TENM1: variants seen among roughly 807,000 people sequenced by gnomAD.
TENM1 encodes teneurin transmembrane protein 1.
TENM1 carries 35 observed loss-of-function variants against 174.8 expected under a neutral mutation model. That is an observed-to-expected ratio of 0.20 (90% confidence interval 0.15 to 0.27). The LOEUF (loss-of-function observed/expected upper bound fraction) is 0.27. Among genes scored for constraint, TENM1 ranks in the 10% least tolerant of loss-of-function variants. The pLI, the probability that TENM1 is intolerant of heterozygous loss-of-function variation, is 1.00. For synonymous variants in TENM1, 781 were observed against 798.7 expected, an observed-to-expected ratio of 0.98 and a Z score of 0.37; for missense variants, 1,633 against 2,130.1, an observed-to-expected ratio of 0.77 and a Z score of 4.59.
chrX:125,098,989 A>C, the TENM1 span, among the ~76,000 whole-genome samples: 2 of 112,298 alleles, frequency 1.8e-5, no homozygotes, highest in East Asian at 5.6e-4. Flanking sequence ...ATGAATAAAC[A>C]ACCACCAACA....
the TENM1 span, among the ~76,000 whole-genome samples, chrX:125,114,538 T>C: frequency 9.1e-6 from 1 of 109,933 alleles, no homozygotes; most frequent in Non-Finnish European, 1.9e-5. Flanking sequence ...AGACACAATA[T>C]AAAATGACAA....
the TENM1 span, among the ~76,000 whole-genome samples, chrX:125,004,588 A>G: frequency 8.9e-6 from 1 of 112,302 alleles, no homozygotes; most frequent in South Asian, 3.6e-4. Flanking sequence ...ACTTTTTTGA[A>G]TTTTTAAAAC....
At chrX:124,904,757 T>C (rs920174204) in intron 1 of TENM1, among the ~76,000 whole-genome samples, 1 of 112,343 alleles carries the variant, frequency 8.9e-6, no homozygotes, top group African/African-American at 3.2e-5. Flanking sequence ...AATAATTGCC[T>C]GTTAAAATTC....
the TENM1 span, among the ~76,000 whole-genome samples, chrX:125,087,383 C>G: frequency 9.0e-6 from 1 of 110,953 alleles, no homozygotes; most frequent in Non-Finnish European, 1.9e-5. Context: ...AATCATTGGT[C>G]ACAAATTGCA....
intron 4 of TENM1, among the ~76,000 whole-genome samples, chrX:124,729,686 G>A (rs1047109571): frequency 8.9e-6 from 1 of 112,198 alleles, no homozygotes; most frequent in Non-Finnish European, 1.9e-5. Context: ...CAATGTACTG[G>A]GTAGACAGGG....
chrX:124,894,182 G>A (rs1262750313), intron 3 of TENM1, 114 bp downstream of exon 6: 2 of 522,929 alleles, frequency 3.8e-6, no homozygotes, highest in Non-Finnish European at 6.5e-6. Flanking sequence ...CAGGTTCATT[G>A]AGCAGGCTTG....
chrX:125,126,287 C>G, the TENM1 span, among the ~76,000 whole-genome samples: 2 of 111,603 alleles, frequency 1.8e-5, no homozygotes, highest in African/African-American at 6.5e-5. Flanking sequence ...ACCACAACTG[C>G]TATAGAAGAT....
At chrX:124,925,169 C>T (rs919570288) in intron 1 of TENM1, among the ~76,000 whole-genome samples, 1 of 109,281 alleles carries the variant, frequency 9.2e-6, no homozygotes. Context: ...CTAATAAAAA[C>T]TTTTATATTA....
chrX:124,637,372 G>A (rs1235365436), intron 11 of TENM1, among the ~76,000 whole-genome samples: 2 of 110,700 alleles, frequency 1.8e-5, no homozygotes, highest in Non-Finnish European at 3.8e-5. Context: ...ACAGGTGTGA[G>A]CCACCGCGCC....
intron 1 of TENM1, among the ~76,000 whole-genome samples, chrX:124,933,620 T>C (rs1031502482): frequency 3.6e-5 from 4 of 112,398 alleles, no homozygotes; most frequent in African/African-American, 9.7e-5. Context: ...AATTTACTAT[T>C]AGTGAAAAAT....
chrX:124,940,697 A>G (rs1414308416), intron 1 of TENM1, among the ~76,000 whole-genome samples: 1 of 111,027 alleles, frequency 9.0e-6, no homozygotes, highest in Non-Finnish European at 1.9e-5. Flanking sequence ...GAATCTTGGC[A>G]GACGACATTG....
chrX:124,487,391 G>T (rs1022770416), intron 20 of TENM1, among the ~76,000 whole-genome samples, 162 bp from the exon 24 acceptor site: 8 of 112,257 alleles, frequency 7.1e-5, no homozygotes, highest in Middle Eastern at 4.2e-3. Flanking sequence ...GCAAGCCAAA[G>T]TTGATCCAAT....
chrX:125,146,650 G>A, the TENM1 span, among the ~76,000 whole-genome samples: 2 of 110,819 alleles, frequency 1.8e-5, no homozygotes, highest in African/African-American at 6.6e-5. Context: ...CTATTAATAA[G>A]GAAGACCTAC....
the TENM1 span, among the ~76,000 whole-genome samples, chrX:125,064,181 G>C: frequency 6.4e-5 from 7 of 109,348 alleles, no homozygotes; most frequent in African/African-American, 2.0e-4. Flanking sequence ...AGGGGGGAGG[G>C]ATAGCATTAG....
At chrX:124,935,888 T>C (rs2058237695) in intron 1 of TENM1, among the ~76,000 whole-genome samples, 1 of 112,152 alleles carries the variant, frequency 8.9e-6, no homozygotes, top group South Asian at 3.7e-4. Context: ...CCTCTTCCTG[T>C]CCACTCAAAT....
At chrX:124,560,191 TTGTGTGTG>T (rs375476919) in intron 14 of TENM1, among the ~76,000 whole-genome samples, 18 of 88,203 alleles carry the variant, frequency 2.0e-4, no homozygotes, top group African/African-American at 2.9e-4. Flanking sequence ...TCTCTTCTAT[TTGTGTGTG>T]TGTGTGTGTG....
intron 23 of TENM1, among the ~76,000 whole-genome samples, chrX:124,429,474 T>G (rs112650361): frequency 0.033 from 3,626 of 110,516 alleles, 140 homozygotes; most frequent in African/African-American, 0.11. Context: ...CAGAATGACA[T>G]GGAAACACAA....
intron 3 of TENM1, among the ~76,000 whole-genome samples, chrX:124,862,978 T>TG (rs748643037): frequency 1.1e-4 from 12 of 108,635 alleles, no homozygotes; most frequent in Non-Finnish European, 2.1e-4. Flanking sequence ...ATGAGGCCCC[T>TG]GTTCCAGGCC....
chrX:124,631,663 G>A (rs958976709), intron 11 of TENM1, among the ~76,000 whole-genome samples: 1 of 110,099 alleles, frequency 9.1e-6, no homozygotes, highest in African/African-American at 3.3e-5. Context: ...ACTTTGGGAG[G>A]CTGAGGCAGC....
Sources: gnomAD v4.1 joint callset for allele counts (sites outside exome capture counted in the v4.1 genomes callset) on GRCh38, gnomAD v4.1.1 for gene constraint, MANE v1.5 for transcripts, NCBI Gene and HGNC (gene_info 2026-07-23, HGNC 2026-07-21) for gene names.